PIGU: variants seen among roughly 807,000 people sequenced by gnomAD.
PIGU encodes GPI-anchor transamidase component PIGU.
In PIGU, 24 loss-of-function variants were observed where a neutral mutation model predicts 49.9. That is an observed-to-expected ratio of 0.48 (90% CI 0.35 to 0.68). The LOEUF is 0.68. Among genes scored for constraint, PIGU ranks in the 30% least tolerant of loss-of-function variants. The probability of loss-of-function intolerance (pLI) is 0.01; values close to 1 mark genes in which losing one functional copy is unlikely to be tolerated. For synonymous variants in PIGU, 220 were observed against 205.7 expected, an observed-to-expected ratio of 1.07 and a Z score of -0.59; for missense variants, 490 against 532.6, an observed-to-expected ratio of 0.92 and a Z score of 0.79.
At chr20:34,598,032 C>G (rs1984267275) in intron 7 of PIGU, among the ~76,000 whole-genome samples, 1 of 152,000 alleles carries the variant, frequency 6.6e-6, no homozygotes, top group African/African-American at 2.4e-5. Flanking sequence ...TGATGAAACC[C>G]CATCACTATA....
intron 11 of PIGU, among the ~76,000 whole-genome samples, chr20:34,565,482 G>A (rs191531025): frequency 3.3e-5 from 5 of 151,694 alleles, no homozygotes; most frequent in East Asian, 1.9e-4. Flanking sequence ...GGATGGTCTC[G>A]ATCTCCAGAC....
chr20:34,657,052 GGGCTGTTTCTAAATAT>G (rs1986725684), intron 2 of PIGU, 112 bp downstream of exon 2: 1 of 696,738 alleles, frequency 1.4e-6, no homozygotes, highest in Non-Finnish European at 2.4e-6. Context: ...ATCTAAAAAC[GGGCTGTTTCTAAATAT>G]GATCGTCAAG....
intron 6 of PIGU, among the ~76,000 whole-genome samples, chr20:34,631,064 T>C (rs1985689333): frequency 6.6e-6 from 1 of 151,696 alleles, no homozygotes; most frequent in African/African-American, 2.4e-5. Flanking sequence ...GAGACTATGC[T>C]TGGAACAAAT....
intron 1 of PIGU, among the ~76,000 whole-genome samples, chr20:34,676,732 C>G (rs1275062287): frequency 1.3e-5 from 2 of 152,194 alleles, no homozygotes; most frequent in Non-Finnish European, 2.9e-5. Flanking sequence ...GGTGGTCCGG[C>G]CCCCAGGGCC....
chr20:34,595,340 A>G (rs1483803762), intron 7 of PIGU, among the ~76,000 whole-genome samples: 5 of 152,230 alleles, frequency 3.3e-5, no homozygotes, highest in Admixed American at 6.5e-5. Context: ...AATACAGTAT[A>G]AGAACTATTT....
chr20:34,592,316 T>C (rs1984022828), intron 7 of PIGU, among the ~76,000 whole-genome samples: 1 of 142,086 alleles, frequency 7.0e-6, no homozygotes, highest in African/African-American at 2.6e-5. Flanking sequence ...AGGAAGAAAA[T>C]AATAAAGAAC....
At chr20:34,600,066 A>T (rs1201226285) in intron 7 of PIGU, among the ~76,000 whole-genome samples, 4 of 152,196 alleles carry the variant, frequency 2.6e-5, no homozygotes, top group South Asian at 2.1e-4. Context: ...GATACCGCTG[A>T]TCTAGAAGAA....
intron 7 of PIGU, among the ~76,000 whole-genome samples, chr20:34,591,499 C>G (rs772139327): frequency 6.6e-6 from 1 of 152,132 alleles, no homozygotes; most frequent in Admixed American, 6.5e-5. Context: ...TTTACAAAAA[C>G]ATCACATACT....
chr20:34,612,437 C>T (rs373999392), intron 7 of PIGU, among the ~76,000 whole-genome samples: 10 of 151,922 alleles, frequency 6.6e-5, no homozygotes, highest in South Asian at 2.1e-4. Context: ...TGGGTTGATA[C>T]GTGCAGCACA....
chr20:34,629,872 C>A (rs913856240), intron 6 of PIGU, among the ~76,000 whole-genome samples: 2 of 151,896 alleles, frequency 1.3e-5, no homozygotes, highest in South Asian at 4.2e-4. Flanking sequence ...TATTAAATCA[C>A]AAAGAAAATA....
intron 7 of PIGU, among the ~76,000 whole-genome samples, chr20:34,611,434 C>G (rs1984808349): frequency 6.6e-6 from 1 of 151,934 alleles, no homozygotes; most frequent in South Asian, 2.1e-4. Context: ...ATCATGAGGT[C>G]AGGAGATTGA....
intron 1 of PIGU, among the ~76,000 whole-genome samples, chr20:34,665,798 G>T (rs1032185596): frequency 2.6e-5 from 4 of 151,960 alleles, no homozygotes; most frequent in Non-Finnish European, 4.4e-5. Context: ...TACATCTAAG[G>T]CACATAAAAC....
chr20:34,654,664 C>T (rs1394254421), intron 2 of PIGU, among the ~76,000 whole-genome samples: 1 of 118,856 alleles, frequency 8.4e-6, no homozygotes, highest in Non-Finnish European at 1.8e-5. Flanking sequence ...AGCCAAAAAA[C>T]AAACAAAAAA....
chr20:34,595,858 G>A (rs1034682910), intron 7 of PIGU, among the ~76,000 whole-genome samples: 34 of 152,146 alleles, frequency 2.2e-4, no homozygotes, highest in African/African-American at 7.5e-4. Context: ...CAGCACTTTG[G>A]GAGGCCAAGG....
intron 2 of PIGU, among the ~76,000 whole-genome samples, chr20:34,652,945 T>G (rs1342416634): frequency 6.6e-6 from 1 of 152,022 alleles, no homozygotes; most frequent in East Asian, 1.9e-4. Context: ...GGATGGAGTG[T>G]TCTATAAATG....
Position 34,602,052 on chromosome 20 carries a change from C to T in PIGU, c.628-13445G>A, listed in dbSNP as rs763311742. Among the ~76,000 whole-genome samples, 8 of 152,158 alleles carry T rather than the reference C, an allele frequency of 5.3e-5. No homozygotes were observed. In the South Asian group the frequency reaches 6.2e-4, roughly 12 times the overall value. ...ATCCCAAAACTTTGGAAGGCCAAGG[C>T]GGGCAGATCACCTGAGGTCAGGAGT... On this transcript the variant is annotated intron_variant, in intron 7 of 11. Transcript: ENST00000217446.
rs540058795 is a variant in PIGU, at chr20:34,583,168, CT to C, written c.927-1497del. 2.2e-4 allele frequency among the ~76,000 whole-genome samples: 34 copies of C among 152,358 alleles called. No homozygotes were observed. The East Asian group carries it at 6.0e-3, about 27-fold the overall frequency. The stretch of plus-strand genomic sequence containing the variant: ...TGCAGCAAGTGCCTCAGAAACGCAG[CT>C]TGGCAAAGGCGTGCAGCCCTGTAGC... On this transcript the variant is annotated intron_variant, in intron 9 of 11. Transcript: ENST00000217446.
At position 34,617,850 on chromosome 20, in the gene PIGU, G is replaced by C. The variant is rs140645636; in HGVS notation, c.530-1711C>G. On this transcript the variant is annotated intron_variant, in intron 6 of 11. Coordinates refer to ENST00000217446, the MANE Select transcript of PIGU (RefSeq NM_080476.5). Reference sequence around the variant, plus strand: ...GTAATGTGGGAGGGACCCAGGGGAAGGTAATTGAATCATGGGAGTTGCTGG... The same window carrying C: ...GTAATGTGGGAGGGACCCAGGGGAACGTAATTGAATCATGGGAGTTGCTGG... 4.7e-3 allele frequency among the ~76,000 whole-genome samples: 710 copies of C among 152,298 alleles called. 2 individuals carry two copies. Among genetic ancestry groups the C allele is most frequent in the Non-Finnish European group, 8.2e-3 (555 of 68,022 alleles).
At chr20:34,612,686 C>T (rs1009330908) in intron 7 of PIGU, among the ~76,000 whole-genome samples, 2 of 148,892 alleles carry the variant, frequency 1.3e-5, no homozygotes, top group East Asian at 3.9e-4. Context: ...TGCGGTGGTG[C>T]GATCTAGGCT....
Sources: allele counts gnomAD v4.1 joint callset (sites outside exome capture counted in the v4.1 genomes callset), GRCh38; gene constraint gnomAD v4.1.1; transcripts MANE v1.5; gene names NCBI Gene and HGNC (gene_info 2026-07-23, HGNC 2026-07-21).